UBR1: variants seen among roughly 807,000 people sequenced by gnomAD.
The protein encoded by UBR1 is E3 ubiquitin-protein ligase UBR1.
Under a neutral mutation model 242.1 loss-of-function variants are expected in UBR1, and 102 were observed. The ratio of observed to expected loss-of-function variants is 0.42; its 90% CI spans 0.36 to 0.50. The LOEUF (loss-of-function observed/expected upper bound fraction) is 0.50, where lower values mean the gene tolerates loss of function less well. UBR1 is among the 20% of genes least tolerant of loss of function. The pLI is 0.01. For missense variants in UBR1, 1,772 were observed against 2,101.8 expected, an observed-to-expected ratio of 0.84 and a Z score of 3.07; for synonymous variants, 675 against 684.8, an observed-to-expected ratio of 0.99 and a Z score of 0.22.
chr15:43,022,629 A>T lies in UBR1; in HGVS notation c.2839+73T>A, dbSNP rs7171649. On this transcript the variant is annotated intron_variant, in intron 26 of 46. Coordinates refer to ENST00000290650, the MANE Select transcript of UBR1 (RefSeq NM_174916.3). ...ACTCTGTAAGATATAAACTTTCAGG[A>T]TTGACAAATTAAAACTCCTTAAGAT... is the stretch of plus-strand genomic sequence containing the variant. The T allele has an allele frequency of 2.4e-3, 2,584 of 1,091,016 alleles. 28 individuals are homozygous for T. The African/African-American group carries it at 0.027, about 11-fold the overall frequency. The allele number at this position is 1,091,016 out of a possible 1,614,324, so 67.6% of individuals were successfully genotyped here.
At chr15:43,088,227 A>G (rs1268482601) in intron 1 of UBR1, among the ~76,000 whole-genome samples, 4 of 152,354 alleles carry the variant, frequency 2.6e-5, no homozygotes, top group Non-Finnish European at 4.4e-5. Flanking sequence ...GTAATAATCT[A>G]TCATTTAGCC....
intron 5 of UBR1, 137 bp from the exon 6 acceptor site, chr15:43,068,173 T>C (rs1596128275): frequency 5.1e-6 from 2 of 394,210 alleles, no homozygotes; most frequent in East Asian, 1.1e-4. Context: ...ATAAAAGTAA[T>C]ATAGAATTTG....
intron 1 of UBR1, among the ~76,000 whole-genome samples, chr15:43,097,029 G>A (rs555291218): frequency 7.2e-5 from 11 of 152,078 alleles, no homozygotes; most frequent in East Asian, 1.9e-4. Flanking sequence ...CAGAGGAATC[G>A]TAATTTATGA....
At chr15:42,999,174 C>T (rs2032685958) in intron 32 of UBR1, among the ~76,000 whole-genome samples, 1 of 152,126 alleles carries the variant, frequency 6.6e-6, no homozygotes, top group Admixed American at 6.5e-5. Context: ...CTCTTGACCT[C>T]GTGATCCGCC....
At chr15:43,105,045 A>C (rs2034280794) in intron 1 of UBR1, among the ~76,000 whole-genome samples, 1 of 152,212 alleles carries the variant, frequency 6.6e-6, no homozygotes, top group South Asian at 2.1e-4. Flanking sequence ...TAAATAAAAT[A>C]AAATAATGTT....
intron 25 of UBR1, 138 bp downstream of exon 25, chr15:43,024,689 CTG>C (rs1177884123): frequency 1.7e-6 from 2 of 1,165,012 alleles, no homozygotes; most frequent in African/African-American, 3.1e-5. Context: ...AAAATTTGTG[CTG>C]TGTGTAAGCT....
intron 15 of UBR1, among the ~76,000 whole-genome samples, 162 bp downstream of exon 15, chr15:43,043,053 G>A (rs935643344): frequency 6.6e-6 from 1 of 152,074 alleles, no homozygotes; most frequent in African/African-American, 2.4e-5. Flanking sequence ...AGATGTTCTG[G>A]TGACAGCTCC....
At chr15:43,005,246 G>A (rs1309441670) in intron 30 of UBR1, among the ~76,000 whole-genome samples, 1 of 151,968 alleles carries the variant, frequency 6.6e-6, no homozygotes, top group Non-Finnish European at 1.5e-5. Flanking sequence ...AGGAGGTGGG[G>A]GGGCAGCCTC....
Position 43,032,639 on chromosome 15 carries a change from A to G in UBR1, c.2191-8T>C. On this transcript the variant is annotated splice_region_variant and splice_polypyrimidine_tract_variant and intron_variant, in intron 19 of 46. Transcript: ENST00000290650. ...ATATTGTTTAATCAAATCCTATAGA[A>G]TCGAAAAAGAGTAAATTAGTTATGG... 6.7e-7 allele frequency: 1 copy of G among 1,485,494 alleles called. No individual in the cohort carries two copies. The highest frequency in any genetic ancestry group is 1.4e-5 in the African/African-American group (1 of 72,496). 92.0% of individuals were successfully genotyped at this position (1,485,494 alleles called of 1,614,324 possible).
At chr15:43,071,315 C>G (rs1159063870) in intron 4 of UBR1, among the ~76,000 whole-genome samples, 3 of 152,136 alleles carry the variant, frequency 2.0e-5, no homozygotes, top group African/African-American at 7.2e-5. Context: ...TAAGACAGAA[C>G]AGGTATTAAT....
chr15:43,009,100 C>T (rs971874004), intron 29 of UBR1, among the ~76,000 whole-genome samples: 16 of 152,240 alleles, frequency 1.1e-4, no homozygotes, highest in Non-Finnish European at 1.5e-4. Flanking sequence ...AATGCCCACA[C>T]CCAAAGCTTG....
intron 45 of UBR1, among the ~76,000 whole-genome samples, chr15:42,950,986 C>T (rs996738647): frequency 2.0e-5 from 3 of 152,154 alleles, no homozygotes; most frequent in Non-Finnish European, 2.9e-5. Context: ...AGTGGGTTTA[C>T]TTGCTGTGGG....
chr15:43,099,049 C>G (rs1272826595), intron 1 of UBR1, among the ~76,000 whole-genome samples: 1 of 152,038 alleles, frequency 6.6e-6, no homozygotes, highest in Non-Finnish European at 1.5e-5. Context: ...TTAAAGATCC[C>G]CTATAGCCCA....
intron 1 of UBR1, among the ~76,000 whole-genome samples, chr15:43,091,026 CCT>C (rs2034099917): frequency 3.9e-5 from 6 of 152,160 alleles, no homozygotes; most frequent in African/African-American, 1.4e-4. Flanking sequence ...GCAACCTCTG[CCT>C]CCCGGGTTCA....
chr15:43,079,316 C>T (rs965206074), intron 3 of UBR1, among the ~76,000 whole-genome samples: 2 of 151,782 alleles, frequency 1.3e-5, no homozygotes, highest in African/African-American at 2.4e-5. Context: ...AAAAAATAAT[C>T]GAATTAAATT....
chr15:43,079,231 C>T (rs1001408074), intron 3 of UBR1, among the ~76,000 whole-genome samples: 11 of 151,856 alleles, frequency 7.2e-5, no homozygotes, highest in Admixed American at 4.6e-4. Context: ...CTTGGGAGGC[C>T]GAGGCAGGAG....
chr15:43,060,142 G>A (rs761478230), intron 6 of UBR1, 28 bp from the exon 7 acceptor site: 1 of 1,604,452 alleles, frequency 6.2e-7, no homozygotes, highest in South Asian at 1.1e-5. Flanking sequence ...TGAGAATTAG[G>A]TAGTGAAATG....
At chr15:43,003,691 G>C (rs1221454737) in intron 31 of UBR1, 146 bp downstream of exon 31, 1 of 803,236 alleles carries the variant, frequency 1.2e-6, no homozygotes, top group East Asian at 2.6e-5. Context: ...AATAATTCAT[G>C]CAAACAGAAT....
chr15:43,093,514 C>T (rs1422172457), intron 1 of UBR1, among the ~76,000 whole-genome samples: 2 of 152,182 alleles, frequency 1.3e-5, no homozygotes, highest in Non-Finnish European at 2.9e-5. Context: ...GGCACAATGG[C>T]TCATGCCTAT....
Sources: gnomAD v4.1 joint callset for allele counts (sites outside exome capture counted in the v4.1 genomes callset) on GRCh38, gnomAD v4.1.1 for gene constraint, MANE v1.5 for transcripts, NCBI Gene and HGNC (gene_info 2026-07-23, HGNC 2026-07-21) for gene names.